WDFY4: variants seen among roughly 807,000 people sequenced by gnomAD.
WDFY4 encodes WD repeat- and FYVE domain-containing protein 4.
Under a neutral mutation model 351.9 loss-of-function variants are expected in WDFY4, and 169 were observed. The ratio of observed to expected loss-of-function variants is 0.48; its 90% CI spans 0.42 to 0.55. WDFY4 has a LOEUF of 0.55. Ranked by LOEUF, WDFY4 falls within the 20% of genes least tolerant of loss-of-function variation. WDFY4 has a pLI of 0.00. For missense variants in WDFY4, 3,803 were observed against 3,935.6 expected, an observed-to-expected ratio of 0.97 and a Z score of 0.90; for synonymous variants, 1,622 against 1,574.6, an observed-to-expected ratio of 1.03 and a Z score of -0.71.
chr10:48,727,750 T>C (rs1298324895), intron 7 of WDFY4, 91 bp downstream of exon 7: 1 of 1,441,378 alleles, frequency 6.9e-7, no homozygotes, highest in Admixed American at 2.2e-5. Flanking sequence ...AAAATAGATA[T>C]AGCTCCATAG....
Position 48,936,633 on chromosome 10 carries a change from C to T in WDFY4, c.7587-5173C>T, listed in dbSNP as rs144715394. 3.3e-4 allele frequency among the ~76,000 whole-genome samples: 50 copies of T among 151,798 alleles called. No homozygotes were observed. In the East Asian group the frequency reaches 7.4e-3, roughly 22 times the overall value. ...AGGGTGGATCACAAGGTCTGGAGAT[C>T]GAGACCATCCCGGCTAACACAGTGA... On this transcript the variant is annotated intron_variant, in intron 47 of 61. Coordinates refer to ENST00000325239, the MANE Select transcript of WDFY4 (RefSeq NM_001394531.1).
intron 47 of WDFY4, among the ~76,000 whole-genome samples, chr10:48,924,272 T>C (rs112917631): frequency 0.035 from 5,338 of 152,268 alleles, 135 homozygotes; most frequent in Non-Finnish European, 0.056. Context: ...GCAGAGTGTG[T>C]TGTGTGGCTC....
At chr10:48,721,606 T>C (rs1589451569) in intron 4 of WDFY4, among the ~76,000 whole-genome samples, 1 of 152,320 alleles carries the variant, frequency 6.6e-6, no homozygotes, top group Non-Finnish European at 1.5e-5. Context: ...TTCTGCCCCT[T>C]GGTTGCATTT....
intron 54 of WDFY4, among the ~76,000 whole-genome samples, chr10:48,965,525 A>C (rs1217980588): frequency 1.3e-5 from 2 of 152,122 alleles, no homozygotes; most frequent in Admixed American, 6.5e-5. Flanking sequence ...TTACCATTTG[A>C]TCCAGGACTA....
At chr10:48,913,410 T>C (rs1400749464) in intron 47 of WDFY4, 1 of 1,611,896 alleles carries the variant, frequency 6.2e-7, no homozygotes, top group Non-Finnish European at 8.5e-7. Context: ...TTCCCAGGAG[T>C]CCTTGGCCAT....
Position 48,964,045 on chromosome 10 carries a change from G to A in WDFY4, c.8427G>A (p.Val2809=), listed in dbSNP as rs778502099. ...ILGFVSNFGQ[V]PKQLFTKPHP... ...GGTTTGTCAGCAACTTTGGACAGGT[G>A]CCCAAACAGGTACAGCATGCCTTGT... The change falls in exon 54 of 62, where the codon GTG becomes GTA. Residue 2809 remains valine, a synonymous_variant. Transcript: ENST00000325239. The A allele has an allele frequency of 6.5e-7, 1 of 1,549,646 alleles. No homozygotes were observed. Among genetic ancestry groups the A allele is most frequent in the African/African-American group, 1.4e-5 (1 of 72,950 alleles).
intron 19 of WDFY4, among the ~76,000 whole-genome samples, chr10:48,784,664 C>A (rs574789186): frequency 7.0e-6 from 1 of 143,044 alleles, no homozygotes; most frequent in East Asian, 2.1e-4. Flanking sequence ...GCTTCAGAAT[C>A]CAGAGTTGCT....
chr10:48,892,792 A>G (rs973829789), intron 44 of WDFY4, among the ~76,000 whole-genome samples: 2 of 152,252 alleles, frequency 1.3e-5, no homozygotes, highest in African/African-American at 4.8e-5. Context: ...ATCCAAAATC[A>G]GACTCAAGAA....
At chr10:48,708,776 G>A (rs796522644) in intron 1 of WDFY4, among the ~76,000 whole-genome samples, 5 of 152,130 alleles carry the variant, frequency 3.3e-5, no homozygotes, top group African/African-American at 9.7e-5. Context: ...GCTCTTGTAA[G>A]CTTGGGGACT....
At chr10:48,918,011 A>G (rs527354410) in intron 47 of WDFY4, among the ~76,000 whole-genome samples, 4 of 152,358 alleles carry the variant, frequency 2.6e-5, no homozygotes, top group African/African-American at 9.6e-5. Flanking sequence ...TGAAGTGGTG[A>G]AAGGTTAATT....
intron 13 of WDFY4, among the ~76,000 whole-genome samples, chr10:48,765,694 G>A (rs2132549910): frequency 6.6e-6 from 1 of 152,306 alleles, no homozygotes; most frequent in East Asian, 1.9e-4. Flanking sequence ...CCTGAGGACT[G>A]GACCTCCTGC....
At chr10:48,890,408 T>C (rs751746731) in intron 43 of WDFY4, among the ~76,000 whole-genome samples, 171 bp from the exon 44 acceptor site, 6 of 152,244 alleles carry the variant, frequency 3.9e-5, no homozygotes, top group South Asian at 2.1e-4. Flanking sequence ...TAGTGCCACA[T>C]AGGCTGTGAA....
At chr10:48,715,414 T>A (rs1334599158) in intron 2 of WDFY4, among the ~76,000 whole-genome samples, 1 of 152,216 alleles carries the variant, frequency 6.6e-6, no homozygotes, top group Non-Finnish European at 1.5e-5. Flanking sequence ...AAATGAACAC[T>A]AACTTAGTTG....
intron 2 of WDFY4, among the ~76,000 whole-genome samples, chr10:48,712,790 A>G (rs2063800292): frequency 1.3e-5 from 2 of 152,120 alleles, no homozygotes; most frequent in Non-Finnish European, 2.9e-5. Flanking sequence ...GTGTTCTTTA[A>G]GGTTTTCCAT....
rs1057499952 is a variant in WDFY4, at chr10:48,744,916, C to A, written c.2459+1368C>A. On this transcript the variant is annotated intron_variant, in intron 12 of 61. Transcript: ENST00000325239. ...TGTGACTCATTTCTAACCTGTTTAC[C>A]TGTGTCTTCCTTGCTTTTTCTGCTT... is the stretch of plus-strand genomic sequence containing the variant. 9.8e-5 allele frequency among the ~76,000 whole-genome samples: 15 copies of A among 152,322 alleles called. No homozygotes were observed. The East Asian group carries it at 2.3e-3, about 23-fold the overall frequency.
At chr10:48,914,004 T>A (rs1396611103) in intron 47 of WDFY4, 1 of 1,614,012 alleles carries the variant, frequency 6.2e-7, no homozygotes, top group Non-Finnish European at 8.5e-7. Context: ...CTCGTCCATG[T>A]CACTAAGGCG....
At chr10:48,792,970 G>A (rs571710389) in intron 23 of WDFY4, among the ~76,000 whole-genome samples, 1 of 152,178 alleles carries the variant, frequency 6.6e-6, no homozygotes, top group South Asian at 2.1e-4. Flanking sequence ...CATAGCGCCT[G>A]CTGTCACATG....
chr10:48,966,420 G>A (rs547556753), intron 54 of WDFY4, 106 bp from the exon 55 acceptor site: 21 of 1,280,692 alleles, frequency 1.6e-5, no homozygotes, highest in Admixed American at 1.5e-4. Context: ...GGAACAAGCC[G>A]AGCTGTGGCA....
At chr10:48,901,184 T>C (rs1242629263) in intron 46 of WDFY4, among the ~76,000 whole-genome samples, 2 of 152,254 alleles carry the variant, frequency 1.3e-5, no homozygotes, top group South Asian at 2.1e-4. Flanking sequence ...CGCACTTCCT[T>C]GGACTCAGGT....
Sources: gnomAD v4.1 joint callset for allele counts (sites outside exome capture counted in the v4.1 genomes callset) on GRCh38, gnomAD v4.1.1 for gene constraint, MANE v1.5 for transcripts, NCBI Gene and HGNC (gene_info 2026-07-23, HGNC 2026-07-21) for gene names.